Variants in C4BPA observed in about 807,000 individuals in gnomAD.
The protein encoded by C4BPA is complement component 4 binding protein alpha.
In C4BPA, 31 loss-of-function variants were observed where a neutral mutation model predicts 63.7. The observed-to-expected ratio is 0.49, with a 90% CI of 0.37 to 0.66. The LOEUF is 0.66. C4BPA is among the 30% of genes least tolerant of loss of function. C4BPA has a pLI of 0.00. For missense variants in C4BPA, 572 were observed against 723.3 expected, an observed-to-expected ratio of 0.79 and a Z score of 2.40; for synonymous variants, 259 against 254.7, an observed-to-expected ratio of 1.02 and a Z score of -0.16.
chr1:207,133,079 AT>A (rs960799004), intron 8 of C4BPA, among the ~76,000 whole-genome samples: 9 of 152,312 alleles, frequency 5.9e-5, no homozygotes, highest in African/African-American at 2.2e-4. Flanking sequence ...AATAAAGAAT[AT>A]TTTTAACCAT....
At chr1:207,107,037 ATAGT>A (rs1259530072) in intron 1 of C4BPA, among the ~76,000 whole-genome samples, 1 of 152,180 alleles carries the variant, frequency 6.6e-6, no homozygotes, top group Non-Finnish European at 1.5e-5. Context: ...AAGCAAATAG[ATAGT>A]TAGGATACAA....
In C4BPA at chr1:207,131,546, A is replaced by C; in HGVS notation, c.890A>C (p.Asn297Thr). 1 of 1,599,476 alleles carries C rather than the reference A, an allele frequency of 6.3e-7. No individual in the cohort carries two copies. Among genetic ancestry groups the C allele is most frequent in the East Asian group, 2.2e-5 (1 of 44,702 alleles). The change falls in exon 8 of 12, where the codon AAT becomes ACT. Residue 297 changes from asparagine (N) to threonine (T), a missense_variant and splice_region_variant. By Grantham distance (65) the Asn-to-Thr change is moderately conservative. Coordinates refer to ENST00000367070, the MANE Select transcript of C4BPA (RefSeq NM_000715.4). Reference sequence around the variant, plus strand: ...CTTCTTCTTCTTCTTTCATGAGTAGATAGTTGTATTAATTTACCAGACATT... The same window carrying C: ...CTTCTTCTTCTTCTTTCATGAGTAGCTAGTTGTATTAATTTACCAGACATT... Reference protein sequence around the residue: ...WNPSPPACEPNSCINLPDIPH... With the variant: ...WNPSPPACEPTSCINLPDIPH...
At chr1:207,111,372 G>A (rs1684664234) in intron 1 of C4BPA, among the ~76,000 whole-genome samples, 1 of 152,230 alleles carries the variant, frequency 6.6e-6, no homozygotes, top group Non-Finnish European at 1.5e-5. Context: ...TTGCTCGTTA[G>A]GTGAATTTAC....
intron 10 of C4BPA, 121 bp from the exon 11 acceptor site, chr1:207,143,697 A>G: frequency 4.2e-6 from 3 of 714,014 alleles, no homozygotes; most frequent in Non-Finnish European, 6.9e-6. Flanking sequence ...AATGTTTTCA[A>G]ATGAAGAGAA....
intron 4 of C4BPA, among the ~76,000 whole-genome samples, chr1:207,116,959 G>A (rs767079024): frequency 2.5e-4 from 38 of 152,020 alleles, no homozygotes; most frequent in Non-Finnish European, 4.4e-4. Flanking sequence ...TTCAATGCCC[G>A]TATTTTTCCT....
chr1:207,104,803 T>A (rs1377861618), intron 1 of C4BPA, among the ~76,000 whole-genome samples: 1 of 152,134 alleles, frequency 6.6e-6, no homozygotes, highest in East Asian at 1.9e-4. Flanking sequence ...TTTCAAAGGG[T>A]TCACAGGAAG....
chr1:207,105,584 A>G (rs1415388258), intron 1 of C4BPA, among the ~76,000 whole-genome samples: 1 of 151,064 alleles, frequency 6.6e-6, no homozygotes, highest in Non-Finnish European at 1.5e-5. Flanking sequence ...GAAAAAAAAA[A>G]GAGATTCTAG....
At position 207,134,491 on chromosome 1, in the gene C4BPA, A is replaced by G. The variant is rs764249458; in HGVS notation, c.1172A>G (p.Tyr391Cys). Residue 391 changes from tyrosine (Y) to cysteine (C), a missense_variant, in exon 9 of 12, where the codon TAT becomes TGT. Around this residue, in one of 2 missense-constraint regions of C4BPA, gnomAD observed 465 missense variants for 629.4 expected, o/e 0.74. Coordinates refer to ENST00000367070, the MANE Select transcript of C4BPA (RefSeq NM_000715.4). ...SRPANHCVYF[Y>C]GDEISFSCHE... is the part of the protein sequence containing the mutation. ...CCTGCCAATCACTGTGTTTATTTCT[A>G]TGGAGATGAGATTTCATTTTCATGT... 15 of 1,613,672 alleles carry G rather than the reference A, an allele frequency of 9.3e-6. No homozygotes were observed. The highest frequency in any genetic ancestry group is 5.5e-5 in the South Asian group (5 of 91,074).
chr1:207,137,288 A>G (rs1057104134), intron 9 of C4BPA, among the ~76,000 whole-genome samples: 9 of 152,270 alleles, frequency 5.9e-5, no homozygotes, highest in Non-Finnish European at 1.2e-4. Flanking sequence ...ACAGGTCTCA[A>G]TCAATTTAGA....
At chr1:207,117,391 CA>C (rs1286083258) in intron 4 of C4BPA, among the ~76,000 whole-genome samples, 1 of 152,166 alleles carries the variant, frequency 6.6e-6, no homozygotes, top group Non-Finnish European at 1.5e-5. Context: ...GTCGAGGCTG[CA>C]GTGAGCCATG....
At chr1:207,123,812 A>G (rs902350759) in intron 4 of C4BPA, 110 bp from the exon 5 acceptor site, 3 of 661,726 alleles carry the variant, frequency 4.5e-6, no homozygotes, top group South Asian at 1.9e-5. Context: ...ATCCAAGAAC[A>G]TATGATTTCC....
chr1:207,105,918 G>A (rs1393943143), intron 1 of C4BPA, among the ~76,000 whole-genome samples: 2 of 152,158 alleles, frequency 1.3e-5, no homozygotes, highest in Non-Finnish European at 2.9e-5. Flanking sequence ...ATTTCTGCAG[G>A]AATTTAAAAG....
intron 9 of C4BPA, among the ~76,000 whole-genome samples, chr1:207,137,588 T>C (rs1685309958): frequency 1.4e-5 from 2 of 144,136 alleles, no homozygotes; most frequent in East Asian, 3.9e-4. Context: ...GTTGTGGAGA[T>C]ATGTTTTGTT....
In C4BPA at chr1:207,134,473, A is replaced by G. The variant is rs1486379393; in HGVS notation, c.1154A>G (p.Asn385Ser). ...ITQHRKSRPA[N>S]HCVYFYGDEI... Reference sequence around the variant, plus strand: ...CAACACAGGAAAAGTCGTCCTGCCAATCACTGTGTTTATTTCTATGGAGAT... The same window carrying G: ...CAACACAGGAAAAGTCGTCCTGCCAGTCACTGTGTTTATTTCTATGGAGAT... The change falls in exon 9 of 12, where the codon AAT becomes AGT. Residue 385 changes from asparagine to serine, a missense_variant. Transcript: ENST00000367070. 6.2e-7 allele frequency: 1 copy of G among 1,613,784 alleles called. No individual in the cohort carries two copies.
At chr1:207,126,932 A>T in intron 7 of C4BPA, 37 bp downstream of exon 7, 1 of 1,538,012 alleles carries the variant, frequency 6.5e-7, no homozygotes, top group South Asian at 1.1e-5. Flanking sequence ...AATGTTTGGC[A>T]TCTAAAGGTA....
At chr1:207,125,045 T>C (rs1017734013) in intron 6 of C4BPA, among the ~76,000 whole-genome samples, 16 of 151,870 alleles carry the variant, frequency 1.1e-4, no homozygotes, top group African/African-American at 3.6e-4. Context: ...AGTCAAAAGA[T>C]ATGTTAGTTA....
rs141825051 is a variant in C4BPA at position 207,134,464 on chromosome 1, G to A, written c.1145G>A (p.Arg382His). ...GAAATCACTCAACACAGGAAAAGTCGTCCTGCCAATCACTGTGTTTATTTC... is the reference window on the plus strand; with the variant it reads ...GAAATCACTCAACACAGGAAAAGTCATCCTGCCAATCACTGTGTTTATTTC... ...NGEITQHRKSRPANHCVYFYG... is the reference protein window; with the variant it reads ...NGEITQHRKSHPANHCVYFYG... Residue 382 changes from arginine (R) to histidine (H), a missense_variant, in exon 9 of 12, where the codon CGT becomes CAT. By Grantham distance (29) the Arg-to-His change is conservative. This residue lies in a region of C4BPA where 465 missense variants were observed against 629.4 expected (regional missense o/e 0.74). Transcript: ENST00000367070. 155 of 1,613,634 alleles carry A rather than the reference G, an allele frequency of 9.6e-5. No individual in the cohort carries two copies. Among genetic ancestry groups the A allele is most frequent in the South Asian group, 6.9e-4 (63 of 91,072 alleles).
At position 207,131,602 on chromosome 1, in the gene C4BPA, C is replaced by G. The variant is rs757320487; in HGVS notation, c.946C>G (p.Pro316Ala). 1.2e-6 allele frequency: 2 copies of G among 1,613,004 alleles called. No individual in the cohort carries two copies. The highest frequency in any genetic ancestry group is 1.7e-4 in the Middle Eastern group (1 of 6,058). ...TGCTTCCTGGGAAACATATCCTAGG[C>G]CGACAAAAGAGGATGTGTATGTTGT... ...PHASWETYPR[P>A]TKEDVYVVGT... Residue 316 changes from proline (P) to alanine (A), a missense_variant, in exon 8 of 12, where the codon CCG (proline) becomes GCG (alanine). Pro to Ala is a conservative substitution (Grantham distance 27). Coordinates refer to ENST00000367070, the MANE Select transcript of C4BPA (RefSeq NM_000715.4).
chr1:207,107,462 T>C (rs1188056487), intron 1 of C4BPA, among the ~76,000 whole-genome samples: 1 of 152,154 alleles, frequency 6.6e-6, no homozygotes, highest in Non-Finnish European at 1.5e-5. Context: ...GGTGGGAGCA[T>C]CATTCGAGTC....
Sources: gnomAD v4.1 joint callset for allele counts (sites outside exome capture counted in the v4.1 genomes callset) on GRCh38, gnomAD v4.1.1 for gene constraint, gnomAD v4.1.1 regional missense constraint, MANE v1.5 for transcripts, NCBI Gene and HGNC (gene_info 2026-07-23, HGNC 2026-07-21) for gene names.